DLGAP1: variants seen among roughly 807,000 people sequenced by gnomAD.
DLGAP1 encodes the protein disks large-associated protein 1.
DLGAP1 carries 11 observed loss-of-function variants against 90.8 expected under a neutral mutation model. The observed-to-expected ratio is 0.12, with a 90% CI of 0.08 to 0.20. The LOEUF (loss-of-function observed/expected upper bound fraction) is 0.20, where lower values mean the gene tolerates loss of function less well. Ranked by LOEUF, DLGAP1 falls within the 10% of genes least tolerant of loss-of-function variation. The pLI, the probability that DLGAP1 is intolerant of heterozygous loss-of-function variation, is 1.00. For synonymous variants in DLGAP1, 558 were observed against 540.7 expected (o/e 1.03, Z -0.44); for missense variants, 1,050 against 1,333.8 (o/e 0.79, Z 3.31).
chr18:4,283,346 A>T lies in DLGAP1; in HGVS notation c.-266-132059T>A, dbSNP rs140754446. ...TTCTTAAGTAACATGGGAGAGTTAG[A>T]GAAATATTTGTCTTTGAATATTTTA... is the stretch of plus-strand genomic sequence containing the variant. On this transcript the variant is annotated intron_variant, in intron 1 of 12. Transcript: ENST00000315677. Among the ~76,000 whole-genome samples, 153 of 152,372 alleles carry T rather than the reference A, an allele frequency of 1.0e-3. 1 individual carries two copies. The highest frequency in any genetic ancestry group is 3.4e-3 in the African/African-American group (141 of 41,596).
At chr18:3,902,511 C>CA (rs36052756) in intron 3 of DLGAP1, among the ~76,000 whole-genome samples, 1,915 of 152,158 alleles carry the variant, frequency 0.013, 16 homozygotes, top group Non-Finnish European at 0.021. Flanking sequence ...ATCTCTCTTC[C>CA]ATCTTCTCTC....
intron 8 of DLGAP1, chr18:3,580,210 G>T (rs986958852): frequency 5.5e-5 from 87 of 1,574,344 alleles, no homozygotes; most frequent in Non-Finnish European, 7.4e-5. Flanking sequence ...TCAAACCTCC[G>T]GGTGGACATT....
intron 9 of DLGAP1, among the ~76,000 whole-genome samples, chr18:3,535,613 C>T (rs1489626107): frequency 6.6e-6 from 1 of 151,450 alleles, no homozygotes; most frequent in Admixed American, 6.6e-5. Context: ...GAGGCTGAGG[C>T]AGGAGAATGG....
chr18:4,254,370 T>A (rs1366758833), intron 1 of DLGAP1, among the ~76,000 whole-genome samples: 2 of 150,748 alleles, frequency 1.3e-5, no homozygotes, highest in Non-Finnish European at 2.9e-5. Flanking sequence ...AGGACAGTTA[T>A]GCCCAAAGAA....
intron 7 of DLGAP1, among the ~76,000 whole-genome samples, chr18:3,710,567 C>T (rs985618070): frequency 5.9e-5 from 9 of 152,144 alleles, no homozygotes; most frequent in African/African-American, 2.2e-4. Context: ...TTATTTATTC[C>T]ATATATATTT....
chr18:4,120,734 T>TCCC (rs5822796), intron 2 of DLGAP1, among the ~76,000 whole-genome samples: 1 of 80,188 alleles, frequency 1.2e-5, no homozygotes, highest in Non-Finnish European at 3.0e-5. Context: ...CTTCCTTCCC[T>TCCC]TCTCCCTCCC....
At position 3,959,690 on chromosome 18, in the gene DLGAP1, A is replaced by G. The variant is rs866158413; in HGVS notation, c.-73+45426T>C. On this transcript the variant is annotated intron_variant, in intron 3 of 12. Transcript: ENST00000315677. Reference sequence around the variant, plus strand: ...AAAAAAAAGAAAGAAAGAAAGAAAGAAAGAAGCACAATGGGAGTCACAAGC... The same window carrying G: ...AAAAAAAAGAAAGAAAGAAAGAAAGGAAGAAGCACAATGGGAGTCACAAGC... Among the ~76,000 whole-genome samples the G allele has an allele frequency of 1.3e-4, 19 of 151,910 alleles. 1 individual carries two copies. Among genetic ancestry groups the G allele is most frequent in the South Asian group, 2.1e-4 (1 of 4,812 alleles).
chr18:3,625,981 G>A (rs1025669171), intron 7 of DLGAP1, among the ~76,000 whole-genome samples: 2 of 152,144 alleles, frequency 1.3e-5, no homozygotes, highest in Non-Finnish European at 1.5e-5. Flanking sequence ...AAGTAGACTT[G>A]TGCTTGCCTA....
chr18:4,101,224 T>G (rs1236026252), intron 2 of DLGAP1, among the ~76,000 whole-genome samples: 1 of 152,184 alleles, frequency 6.6e-6, no homozygotes, highest in Non-Finnish European at 1.5e-5. Context: ...ACTTGCACGC[T>G]TAGAGGCCAC....
At chr18:3,525,043 G>A (rs1452153650) in intron 10 of DLGAP1, among the ~76,000 whole-genome samples, 1 of 150,914 alleles carries the variant, frequency 6.6e-6, no homozygotes, top group African/African-American at 2.4e-5. Context: ...TTCTCTAGTA[G>A]AAGTTTTCCC....
chr18:3,639,379 A>G (rs1339187210), intron 7 of DLGAP1, among the ~76,000 whole-genome samples: 1 of 151,752 alleles, frequency 6.6e-6, no homozygotes, highest in Non-Finnish European at 1.5e-5. Flanking sequence ...AAGAAAAGAA[A>G]AGAAAAGAAA....
rs778275648 is a variant in DLGAP1, at chr18:3,569,719, T to C, written c.1966-2138A>G. 8.5e-5 allele frequency among the ~76,000 whole-genome samples: 13 copies of C among 152,188 alleles called. No homozygotes were observed. In the South Asian group the frequency reaches 1.0e-3, roughly 12 times the overall value. On this transcript the variant is annotated intron_variant, in intron 8 of 12. Transcript: ENST00000315677. ...CTCCTGTACTACCTCCCTTGGGTTA[T>C]GAATGGATCTGGCTCCGTTTATTAA...
intron 8 of DLGAP1, among the ~76,000 whole-genome samples, 178 bp downstream of exon 8, chr18:3,581,697 A>G (rs1244884119): frequency 1.3e-5 from 2 of 151,706 alleles, no homozygotes; most frequent in Non-Finnish European, 2.9e-5. Flanking sequence ...AAATACTTTC[A>G]TAATCTTGGT....
At chr18:4,214,108 A>G (rs1470762137) in intron 1 of DLGAP1, among the ~76,000 whole-genome samples, 1 of 152,186 alleles carries the variant, frequency 6.6e-6, no homozygotes, top group Non-Finnish European at 1.5e-5. Context: ...AGACGGATAA[A>G]GGTCAAAAGA....
chr18:4,425,894 T>C (rs979329798), intron 1 of DLGAP1, among the ~76,000 whole-genome samples: 2 of 152,206 alleles, frequency 1.3e-5, no homozygotes, highest in Non-Finnish European at 2.9e-5. Flanking sequence ...CTGAATTTGA[T>C]TGCATGATAG....
intron 7 of DLGAP1, among the ~76,000 whole-genome samples, chr18:3,646,803 T>C (rs1038733833): frequency 6.6e-6 from 1 of 152,078 alleles, no homozygotes; most frequent in South Asian, 2.1e-4. Flanking sequence ...TGGGCGCCTG[T>C]AGTCCCAGCT....
At chr18:4,045,471 C>T (rs967777045) in intron 2 of DLGAP1, among the ~76,000 whole-genome samples, 9 of 91,748 alleles carry the variant, frequency 9.8e-5, no homozygotes, top group African/African-American at 3.9e-4. Context: ...AAAAAGCTTG[C>T]CCCTGTAGTC....
intron 5 of DLGAP1, among the ~76,000 whole-genome samples, chr18:3,766,375 G>A (rs1002231552): frequency 1.3e-5 from 2 of 152,110 alleles, no homozygotes; most frequent in African/African-American, 2.4e-5. Context: ...ATTCACGATT[G>A]TAGTTGGAGA....
At chr18:4,340,906 T>TTTA (rs376296987) in intron 1 of DLGAP1, among the ~76,000 whole-genome samples, 7,599 of 152,130 alleles carry the variant, frequency 0.05, 197 homozygotes, top group African/African-American at 0.07. Flanking sequence ...TAAAAATACT[T>TTTA]CTATTACTAA....
Sources: allele counts gnomAD v4.1 joint callset (sites outside exome capture counted in the v4.1 genomes callset), GRCh38; gene constraint gnomAD v4.1.1; transcripts MANE v1.5; gene names NCBI Gene and HGNC (gene_info 2026-07-23, HGNC 2026-07-21).